NRG3: variants seen among roughly 807,000 people sequenced by gnomAD.
NRG3 encodes the protein neuregulin 3.
A neutral mutation model predicts 66.9 loss-of-function variants in NRG3; 31 were observed. The observed-to-expected ratio is 0.46, with a 90% CI of 0.35 to 0.63. The LOEUF is 0.63. NRG3 is among the 20% of genes least tolerant of loss of function. The probability of loss-of-function intolerance (pLI) is 0.00; values close to 1 mark genes in which losing one functional copy is unlikely to be tolerated. For missense variants in NRG3, 910 were observed against 878.9 expected, an observed-to-expected ratio of 1.04 and a Z score of -0.45; for synonymous variants, 393 against 359.4, an observed-to-expected ratio of 1.09 and a Z score of -1.06.
intron 3 of NRG3, among the ~76,000 whole-genome samples, chr10:82,807,301 A>G (rs2061330765): frequency 6.6e-6 from 1 of 152,224 alleles, no homozygotes. Context: ...TATAATAATT[A>G]CTGCATGTTC....
At chr10:82,126,380 T>C (rs576212529) in intron 1 of NRG3, among the ~76,000 whole-genome samples, 1 of 152,208 alleles carries the variant, frequency 6.6e-6, no homozygotes, top group South Asian at 2.1e-4. Context: ...TTATATTTCA[T>C]AGAAGCTGCA....
chr10:82,944,094 A>G (rs924287805), intron 4 of NRG3, among the ~76,000 whole-genome samples: 1 of 152,206 alleles, frequency 6.6e-6, no homozygotes, highest in Admixed American at 6.5e-5. Context: ...AAATGCACTG[A>G]TAATATACCA....
intron 3 of NRG3, among the ~76,000 whole-genome samples, chr10:82,799,566 A>G (rs1031663208): frequency 1.3e-5 from 2 of 151,696 alleles, no homozygotes; most frequent in Non-Finnish European, 2.9e-5. Context: ...AACGTAAAGG[A>G]AATCTCTCTA....
intron 1 of NRG3, among the ~76,000 whole-genome samples, chr10:81,971,964 T>C (rs922893766): frequency 3.9e-5 from 6 of 152,142 alleles, no homozygotes; most frequent in Non-Finnish European, 5.9e-5. Flanking sequence ...TACTAGGTTT[T>C]GGAAATAACT....
intron 2 of NRG3, among the ~76,000 whole-genome samples, chr10:82,491,316 A>ATATATATATATATATGTATATATATACAT (rs1389375279): frequency 1.5e-5 from 2 of 136,816 alleles, no homozygotes; most frequent in Non-Finnish European, 3.2e-5. Flanking sequence ...ATATATATAT[A>ATATATATATATATATGTATATATATACAT]AAATAAAGAT....
At chr10:82,703,259 CATG>C (rs2056036868) in intron 2 of NRG3, among the ~76,000 whole-genome samples, 1 of 152,118 alleles carries the variant, frequency 6.6e-6, no homozygotes, top group Admixed American at 6.6e-5. Context: ...CTGAAAGAAA[CATG>C]GTGTTTTATA....
chr10:82,288,533 G>C (rs539418578), intron 1 of NRG3, among the ~76,000 whole-genome samples: 2 of 152,288 alleles, frequency 1.3e-5, no homozygotes, highest in South Asian at 2.1e-4. Flanking sequence ...TGCCGTGTGG[G>C]ATGTGTTCAC....
chr10:82,731,697 C>A (rs928010550), intron 2 of NRG3, among the ~76,000 whole-genome samples: 4 of 151,974 alleles, frequency 2.6e-5, no homozygotes, highest in Non-Finnish European at 5.9e-5. Flanking sequence ...AGGTTGATTC[C>A]ATTTCTGGGC....
chr10:82,669,096 A>C (rs1045370754), intron 2 of NRG3, among the ~76,000 whole-genome samples: 2 of 152,120 alleles, frequency 1.3e-5, no homozygotes, highest in African/African-American at 4.8e-5. Context: ...TATTGGTGCA[A>C]GTAGAATCAG....
chr10:82,571,623 T>C (rs1422289905), intron 2 of NRG3, among the ~76,000 whole-genome samples: 1 of 151,718 alleles, frequency 6.6e-6, no homozygotes, highest in South Asian at 2.1e-4. Flanking sequence ...CTTTGAACTA[T>C]CAAACAAAAA....
chr10:82,262,757 T>C (rs952190346), intron 1 of NRG3, among the ~76,000 whole-genome samples: 2 of 152,192 alleles, frequency 1.3e-5, no homozygotes, highest in Non-Finnish European at 2.9e-5. Flanking sequence ...AGGCGCAGTG[T>C]GCCTTCTATA....
intron 6 of NRG3, among the ~76,000 whole-genome samples, chr10:82,972,176 T>C (rs542571661): frequency 6.6e-6 from 1 of 152,162 alleles, no homozygotes; most frequent in Non-Finnish European, 1.5e-5. Context: ...AGTTTTTTCA[T>C]GTATTGTATA....
At chr10:82,576,682 A>T (rs1014703335) in intron 2 of NRG3, among the ~76,000 whole-genome samples, 1 of 151,794 alleles carries the variant, frequency 6.6e-6, no homozygotes, top group African/African-American at 2.4e-5. Flanking sequence ...TGTTCAATCT[A>T]CCATCTGAAG....
intron 4 of NRG3, among the ~76,000 whole-genome samples, chr10:82,916,281 A>T (rs1479312891): frequency 6.6e-6 from 1 of 152,074 alleles, no homozygotes; most frequent in Non-Finnish European, 1.5e-5. Context: ...GCAAGGCCCC[A>T]TCTCTACAAA....
chr10:82,285,641 CACACGCCAAGGCTG>C (rs1230320043), intron 1 of NRG3, among the ~76,000 whole-genome samples: 2 of 152,072 alleles, frequency 1.3e-5, no homozygotes, highest in African/African-American at 4.8e-5. Context: ...TGGCTCAGAA[CACACGCCAAGGCTG>C]GTGGCCAGAG....
chr10:82,781,416 AACAGAAACC>A (rs1480914564), intron 3 of NRG3, among the ~76,000 whole-genome samples: 1 of 152,172 alleles, frequency 6.6e-6, no homozygotes, highest in Non-Finnish European at 1.5e-5. Context: ...TGCTACATGT[AACAGAAACC>A]ACAATCCAAA....
chr10:82,858,636 A>G (rs1422767051), intron 3 of NRG3, among the ~76,000 whole-genome samples: 1 of 152,190 alleles, frequency 6.6e-6, no homozygotes, highest in Non-Finnish European at 1.5e-5. Flanking sequence ...AAGTTACTTG[A>G]CAGGGATCTG....
chr10:82,425,546 A>T, intron 2 of NRG3, among the ~76,000 whole-genome samples: 1 of 152,150 alleles, frequency 6.6e-6, no homozygotes, highest in East Asian at 1.9e-4. Flanking sequence ...CAAAATGTGT[A>T]TTATATCTAA....
intron 1 of NRG3, among the ~76,000 whole-genome samples, chr10:82,182,065 A>G (rs2073457992): frequency 6.6e-6 from 1 of 150,496 alleles, no homozygotes; most frequent in South Asian, 2.1e-4. Flanking sequence ...AAGTATGGCC[A>G]TCCTGCTCTA....
Sources: allele counts gnomAD v4.1 joint callset (sites outside exome capture counted in the v4.1 genomes callset), GRCh38; gene constraint gnomAD v4.1.1; transcripts MANE v1.5; gene names NCBI Gene and HGNC (gene_info 2026-07-23, HGNC 2026-07-21).